SYNDIG1L: variants seen among roughly 807,000 people sequenced by gnomAD.
SYNDIG1L encodes the protein synapse differentiation inducing 1 like.
A neutral mutation model predicts 20.1 loss-of-function variants in SYNDIG1L; 13 were observed. The observed-to-expected ratio is 0.65, with a 90% CI of 0.42 to 1.03. SYNDIG1L has a LOEUF of 1.03. SYNDIG1L is among the 50% of genes least tolerant of loss of function. The probability of loss-of-function intolerance (pLI) is 0.00; values close to 1 mark genes in which losing one functional copy is unlikely to be tolerated. For synonymous variants in SYNDIG1L, 128 were observed against 129.3 expected (o/e 0.99, Z 0.07); for missense variants, 294 against 305.1 (o/e 0.96, Z 0.27).
At chr14:74,439,815 G>T in the SYNDIG1L span, among the ~76,000 whole-genome samples, 2 of 150,294 alleles carry the variant, frequency 1.3e-5, no homozygotes, top group Non-Finnish European at 1.5e-5. Flanking sequence ...GGAGGCAGAG[G>T]TTGTGGTGAG....
the SYNDIG1L span, chr14:74,480,005 C>T: frequency 7.0e-7 from 1 of 1,422,658 alleles, no homozygotes; most frequent in Non-Finnish European, 9.2e-7. Flanking sequence ...AGAAAGAGGC[C>T]ACAAGTTAAT....
chr14:74,441,245 T>A, the SYNDIG1L span, among the ~76,000 whole-genome samples: 1 of 152,342 alleles, frequency 6.6e-6, no homozygotes, highest in South Asian at 2.1e-4. Flanking sequence ...TCCAGGGATC[T>A]CTTGCTCTCC....
the SYNDIG1L span, among the ~76,000 whole-genome samples, chr14:74,477,954 C>T: frequency 7.2e-5 from 11 of 152,362 alleles, no homozygotes; most frequent in South Asian, 2.1e-4. Flanking sequence ...AATCCCCCCA[C>T]GGGAGCCCTA....
the SYNDIG1L span, among the ~76,000 whole-genome samples, chr14:74,468,994 TGTCTGTGC>T: frequency 6.6e-6 from 1 of 152,140 alleles, no homozygotes; most frequent in African/African-American, 2.4e-5. Flanking sequence ...GTGAAGTGTG[TGTCTGTGC>T]GTCCTGTCAA....
the SYNDIG1L span, among the ~76,000 whole-genome samples, chr14:74,459,526 G>A: frequency 5.9e-5 from 9 of 152,238 alleles, no homozygotes; most frequent in South Asian, 2.1e-4. Context: ...AACAGTTCTC[G>A]GGAATCATGT....
At chr14:74,460,362 AGGGACCCCAC>A in the SYNDIG1L span, among the ~76,000 whole-genome samples, 1 of 152,014 alleles carries the variant, frequency 6.6e-6, no homozygotes, top group African/African-American at 2.4e-5. Flanking sequence ...TCACATCCCC[AGGGACCCCAC>A]CCTCCCACCA....
the SYNDIG1L span, among the ~76,000 whole-genome samples, chr14:74,451,955 A>ACT: frequency 3.2e-3 from 458 of 140,982 alleles, 3 homozygotes; most frequent in Non-Finnish European, 6.2e-3. Context: ...ATGCCATTAC[A>ACT]CTCCAGCCTG....
At chr14:74,455,577 G>A in the SYNDIG1L span, among the ~76,000 whole-genome samples, 5 of 152,146 alleles carry the variant, frequency 3.3e-5, no homozygotes, top group Non-Finnish European at 5.9e-5. Context: ...CTGCCACCAC[G>A]CCTGGCTAAT....
chr14:74,464,723 C>G, the SYNDIG1L span, among the ~76,000 whole-genome samples: 6 of 152,232 alleles, frequency 3.9e-5, no homozygotes, highest in East Asian at 9.7e-4. Flanking sequence ...CTCCCTGTCC[C>G]TCGGTTTCCT....
At chr14:74,414,632 A>G (rs1475979878) in intron 1 of SYNDIG1L, among the ~76,000 whole-genome samples, 1 of 152,206 alleles carries the variant, frequency 6.6e-6, no homozygotes, top group Non-Finnish European at 1.5e-5. Context: ...TGAGAGATTT[A>G]GGAGGAGTTG....
chr14:74,460,230 C>T, the SYNDIG1L span, among the ~76,000 whole-genome samples: 1 of 152,026 alleles, frequency 6.6e-6, no homozygotes, highest in Non-Finnish European at 1.5e-5. Flanking sequence ...CAGTGGGGCT[C>T]TTACCACCTA....
chr14:74,468,371 T>C, the SYNDIG1L span, among the ~76,000 whole-genome samples: 1 of 152,116 alleles, frequency 6.6e-6, no homozygotes. Context: ...ACTTTTGGGC[T>C]CTCTTCTTCC....
intron 1 of SYNDIG1L, among the ~76,000 whole-genome samples, chr14:74,416,386 T>C (rs1379020513): frequency 1.3e-5 from 2 of 152,060 alleles, no homozygotes; most frequent in Non-Finnish European, 2.9e-5. Context: ...CTGTAATCAG[T>C]ATTTTGGGAG....
At chr14:74,428,369 C>T (rs897510040), upstream of SYNDIG1L, among the ~76,000 whole-genome samples, 8 of 152,206 alleles carry the variant, frequency 5.3e-5, no homozygotes, top group Non-Finnish European at 1.0e-4. Flanking sequence ...GCAAAGTTTC[C>T]ATTCTTTTTC....
chr14:74,464,157 G>T, the SYNDIG1L span, among the ~76,000 whole-genome samples: 1 of 152,148 alleles, frequency 6.6e-6, no homozygotes, highest in Admixed American at 6.5e-5. Flanking sequence ...GAGGCCAGAG[G>T]GTAGGGTTGT....
At chr14:74,415,085 G>A (rs2086164304) in intron 1 of SYNDIG1L, among the ~76,000 whole-genome samples, 1 of 152,144 alleles carries the variant, frequency 6.6e-6, no homozygotes, top group Non-Finnish European at 1.5e-5. Context: ...TTGGAGGTCA[G>A]GACCTGTTAA....
At chr14:74,435,016 G>A in the SYNDIG1L span, among the ~76,000 whole-genome samples, 26 of 147,008 alleles carry the variant, frequency 1.8e-4, no homozygotes, top group Non-Finnish European at 3.1e-4. Context: ...CCAGGAGACG[G>A]AGCTTGCAGT....
the SYNDIG1L span, among the ~76,000 whole-genome samples, chr14:74,451,575 T>C: frequency 6.6e-6 from 1 of 152,242 alleles, no homozygotes; most frequent in African/African-American, 2.4e-5. Flanking sequence ...ATAAATTTAC[T>C]GCATCAAAAG....
the SYNDIG1L span, among the ~76,000 whole-genome samples, chr14:74,453,791 A>AAAAAC: frequency 3.3e-5 from 5 of 152,080 alleles, no homozygotes; most frequent in Non-Finnish European, 4.4e-5. Flanking sequence ...CGTCTCTACA[A>AAAAAC]AAAACAAAAC....
Sources: gnomAD v4.1 joint callset for allele counts (sites outside exome capture counted in the v4.1 genomes callset) on GRCh38, gnomAD v4.1.1 for gene constraint, MANE v1.5 for transcripts, NCBI Gene and HGNC (gene_info 2026-07-23, HGNC 2026-07-21) for gene names.